The following COL11A1 variants were observed in gnomAD, a reference collection of about 807,000 sequenced individuals.
The protein encoded by COL11A1 is collagen type XI alpha 1 chain.
Under a neutral mutation model 265.2 loss-of-function variants are expected in COL11A1, and 74 were observed. That is an observed-to-expected ratio of 0.28 (90% CI 0.23 to 0.34). COL11A1 has a LOEUF of 0.34. Among genes scored for constraint, COL11A1 ranks in the 10% least tolerant of loss-of-function variants. The probability of loss-of-function intolerance (pLI) is 1.00; values close to 1 mark genes in which losing one functional copy is unlikely to be tolerated. For synonymous variants in COL11A1, 816 were observed against 727.6 expected (o/e 1.12, Z -1.96); for missense variants, 2,165 against 2,263.6 (o/e 0.96, Z 0.88).
At chr1:103,015,281 T>C (rs1427330985) in intron 12 of COL11A1, among the ~76,000 whole-genome samples, 1 of 152,054 alleles carries the variant, frequency 6.6e-6, no homozygotes, top group Non-Finnish European at 1.5e-5. Context: ...AAATAATTTT[T>C]GAGCAATGAA....
chr1:102,893,334 A>G (rs1043734493), intron 57 of COL11A1, among the ~76,000 whole-genome samples: 1 of 152,152 alleles, frequency 6.6e-6, no homozygotes, highest in African/African-American at 2.4e-5. Flanking sequence ...ATATTAATTT[A>G]TCTAAGCTAA....
intron 31 of COL11A1, among the ~76,000 whole-genome samples, chr1:102,982,850 C>G (rs1570939154): frequency 6.6e-6 from 1 of 152,132 alleles, no homozygotes; most frequent in Middle Eastern, 3.4e-3. Context: ...CCCATAATTA[C>G]ATGTGAAACT....
rs1654017388 is a variant in COL11A1, at chr1:102,906,639, A to G, written c.4086+5520T>C. Among the ~76,000 whole-genome samples, 4 of 152,056 alleles carry G rather than the reference A, an allele frequency of 2.6e-5. No homozygotes were observed. The South Asian group carries it at 8.3e-4, about 32-fold the overall frequency. ...TGTCTCAAAGTCCTGGGCTTAAGCA[A>G]TACTCCTGCCTAAGTCTCTGAAAGT... On this transcript the variant is annotated intron_variant, in intron 54 of 66. Transcript: ENST00000370096.
chr1:103,003,750 C>A (rs1300108181), intron 20 of COL11A1, among the ~76,000 whole-genome samples: 1 of 152,080 alleles, frequency 6.6e-6, no homozygotes, highest in African/African-American at 2.4e-5. Flanking sequence ...TTACAGAAAC[C>A]ATTTTTCGAG....
intron 37 of COL11A1, among the ~76,000 whole-genome samples, 184 bp from the exon 38 acceptor site, chr1:102,965,724 C>A (rs1430534135): frequency 6.6e-6 from 1 of 152,134 alleles, no homozygotes; most frequent in East Asian, 1.9e-4. Context: ...AAATTCAAAA[C>A]TTGCCATTTC....
intron 1 of COL11A1, among the ~76,000 whole-genome samples, chr1:103,105,171 T>C (rs906131226): frequency 6.6e-6 from 1 of 152,088 alleles, no homozygotes. Context: ...AATCATAGTG[T>C]GGTCACTATG....
intron 41 of COL11A1, among the ~76,000 whole-genome samples, chr1:102,960,345 G>C (rs1311614935): frequency 6.6e-6 from 1 of 152,082 alleles, no homozygotes; most frequent in Non-Finnish European, 1.5e-5. Flanking sequence ...GTAAGTGTGA[G>C]ATGATTACTG....
intron 14 of COL11A1, among the ~76,000 whole-genome samples, chr1:103,011,120 A>T (rs1389611253): frequency 6.6e-6 from 1 of 152,180 alleles, no homozygotes; most frequent in Non-Finnish European, 1.5e-5. Context: ...CTACAACATT[A>T]CAGTCTTAAG....
chr1:102,891,846 G>C (rs2100874706), intron 57 of COL11A1, among the ~76,000 whole-genome samples: 1 of 152,138 alleles, frequency 6.6e-6, no homozygotes, highest in East Asian at 1.9e-4. Flanking sequence ...TCACACCACT[G>C]CACTCCTGCA....
At chr1:103,059,705 T>TA (rs1373143366) in intron 4 of COL11A1, among the ~76,000 whole-genome samples, 3 of 151,968 alleles carry the variant, frequency 2.0e-5, no homozygotes, top group African/African-American at 7.3e-5. Context: ...ATGCTGTAGA[T>TA]AAAAAACACC....
chr1:103,002,639 T>C (rs1665219199), intron 22 of COL11A1, 108 bp downstream of exon 22: 2 of 1,169,248 alleles, frequency 1.7e-6, no homozygotes, highest in Non-Finnish European at 2.5e-6. Context: ...GTATCTAATA[T>C]ACTTAGCAAA....
chr1:103,060,120 A>T (rs929131340), intron 4 of COL11A1, among the ~76,000 whole-genome samples: 1 of 152,148 alleles, frequency 6.6e-6, no homozygotes, highest in African/African-American at 2.4e-5. Context: ...AGGGGAAAAA[A>T]ACCAACTTAC....
intron 14 of COL11A1, among the ~76,000 whole-genome samples, chr1:103,011,274 T>C (rs1666103000): frequency 6.6e-6 from 1 of 152,130 alleles, no homozygotes; most frequent in Non-Finnish European, 1.5e-5. Context: ...TTAACTCTAT[T>C]TCATTGGTTA....
chr1:103,016,514 T>C (rs1445942188), intron 11 of COL11A1, among the ~76,000 whole-genome samples: 1 of 151,890 alleles, frequency 6.6e-6, no homozygotes, highest in African/African-American at 2.4e-5. Flanking sequence ...CCATAAGCTT[T>C]CAATATAAGG....
intron 24 of COL11A1, chr1:103,001,543 ACTTTC>A (rs2101825318): frequency 2.2e-6 from 1 of 457,638 alleles, no homozygotes; most frequent in Admixed American, 3.8e-5. Flanking sequence ...CAACTTCACA[ACTTTC>A]CTTTCATCAT....
chr1:102,933,625 G>C lies in COL11A1; in HGVS notation c.3600+824C>G, dbSNP rs1261307834. Among the ~76,000 whole-genome samples, 18 of 152,174 alleles carry C rather than the reference G, an allele frequency of 1.2e-4. 1 individual carries two copies. The highest frequency in any genetic ancestry group is 2.6e-4 in the Admixed American group (4 of 15,278). ...AGCTGTGGTGGGCTCCACCCAGCTC[G>C]AGCTTCCTGGCTGCTTTGTTTACCT... On this transcript the variant is annotated intron_variant, in intron 46 of 66. Transcript: ENST00000370096.
chr1:103,072,258 A>T (rs1485974289), intron 4 of COL11A1, among the ~76,000 whole-genome samples: 1 of 151,970 alleles, frequency 6.6e-6, no homozygotes, highest in African/African-American at 2.4e-5. Context: ...TGAAATTCAA[A>T]TATGACCATG....
chr1:102,945,726 C>A (rs1294274659), intron 42 of COL11A1, among the ~76,000 whole-genome samples: 2 of 151,640 alleles, frequency 1.3e-5, no homozygotes, highest in African/African-American at 4.8e-5. Flanking sequence ...TTAAAAAATA[C>A]AATCATATCA....
chr1:103,041,617 G>T (rs1032500620), intron 4 of COL11A1, among the ~76,000 whole-genome samples: 7 of 151,492 alleles, frequency 4.6e-5, no homozygotes, highest in Non-Finnish European at 1.0e-4. Context: ...ATCTAAATCG[G>T]CTACTTTATA....
Sources: allele counts gnomAD v4.1 joint callset (sites outside exome capture counted in the v4.1 genomes callset), GRCh38; gene constraint gnomAD v4.1.1; transcripts MANE v1.5; gene names NCBI Gene and HGNC (gene_info 2026-07-23, HGNC 2026-07-21).